CSMD1: variants seen among roughly 807,000 people sequenced by gnomAD.
The protein encoded by CSMD1 is CUB and sushi domain-containing protein 1.
CSMD1 carries 213 observed loss-of-function variants against 417.5 expected under a neutral mutation model. That is an observed-to-expected ratio of 0.51 (90% CI 0.46 to 0.57). CSMD1 has a LOEUF of 0.57. Among genes scored for constraint, CSMD1 ranks in the 20% least tolerant of loss-of-function variants. The pLI, the probability that CSMD1 is intolerant of heterozygous loss-of-function variation, is 0.00. For synonymous variants in CSMD1, 2,862 were observed against 1,736.8 expected (o/e 1.65, Z -16.11); for missense variants, 6,923 against 4,529.7 (o/e 1.53, Z -15.17).
intron 1 of CSMD1, among the ~76,000 whole-genome samples, chr8:4,691,282 G>T (rs977630551): frequency 2.0e-5 from 3 of 152,136 alleles, no homozygotes; most frequent in African/African-American, 7.2e-5. Flanking sequence ...TGGAGAGTGT[G>T]AATTTCAGCT....
chr8:4,353,471 A>C (rs1011962070), intron 3 of CSMD1, among the ~76,000 whole-genome samples: 1 of 152,118 alleles, frequency 6.6e-6, no homozygotes, highest in African/African-American at 2.4e-5. Flanking sequence ...AGAAAAGAAT[A>C]ATACATTCTT....
At chr8:4,409,524 G>T (rs576524460) in intron 3 of CSMD1, among the ~76,000 whole-genome samples, 6 of 152,032 alleles carry the variant, frequency 3.9e-5, no homozygotes, top group Admixed American at 3.9e-4. Flanking sequence ...ACCAAAATAT[G>T]TAACTAGGCA....
At chr8:3,447,033 G>C (rs372259631) in intron 12 of CSMD1, among the ~76,000 whole-genome samples, 1 of 152,148 alleles carries the variant, frequency 6.6e-6, no homozygotes, top group Non-Finnish European at 1.5e-5. Context: ...TTTTCAGGAA[G>C]ACAGAAAATT....
Position 3,076,780 on chromosome 8 carries a change from G to A in CSMD1, c.7474+10317C>T, listed in dbSNP as rs1037609349. ...ATGACAACTGTGGCCCAGGCTTTGC[G>A]CAAAATGCTGGGGATTCGAAGGTAC... On this transcript the variant is annotated intron_variant, in intron 49 of 69. Coordinates refer to ENST00000635120, the MANE Select transcript of CSMD1 (RefSeq NM_033225.6). Among the ~76,000 whole-genome samples, 11 of 152,286 alleles carry A rather than the reference G, an allele frequency of 7.2e-5. No homozygotes were observed. In the East Asian group the frequency reaches 1.2e-3, roughly 16 times the overall value.
intron 1 of CSMD1, among the ~76,000 whole-genome samples, chr8:4,962,343 T>C (rs986387934): frequency 2.6e-5 from 4 of 152,070 alleles, no homozygotes; most frequent in Non-Finnish European, 5.9e-5. Context: ...CCCAATTAGC[T>C]AGGACTACAG....
At chr8:2,964,602 C>G (rs747224094) in intron 59 of CSMD1, among the ~76,000 whole-genome samples, 2 of 152,224 alleles carry the variant, frequency 1.3e-5, no homozygotes, top group Non-Finnish European at 2.9e-5. Context: ...ATGCATGAAG[C>G]ATATTTTATT....
intron 11 of CSMD1, among the ~76,000 whole-genome samples, chr8:3,493,328 T>C (rs1205652421): frequency 2.0e-5 from 3 of 148,034 alleles, no homozygotes; most frequent in Non-Finnish European, 3.0e-5. Context: ...GGCGGAGGGG[T>C]TGATTTGAAA....
chr8:4,058,432 C>T (rs1270502498), intron 3 of CSMD1, among the ~76,000 whole-genome samples: 8 of 152,206 alleles, frequency 5.3e-5, no homozygotes, highest in South Asian at 4.1e-4. Flanking sequence ...AGGAGATTTT[C>T]GGCTGGGACA....
At chr8:3,742,736 G>A (rs372815406) in intron 6 of CSMD1, among the ~76,000 whole-genome samples, 1 of 151,570 alleles carries the variant, frequency 6.6e-6, no homozygotes, top group Non-Finnish European at 1.5e-5. Context: ...GAGAGAGAGA[G>A]AAGAAAAAAA....
intron 11 of CSMD1, among the ~76,000 whole-genome samples, chr8:3,478,248 T>C (rs1396088570): frequency 6.6e-6 from 1 of 152,226 alleles, no homozygotes; most frequent in African/African-American, 2.4e-5. Context: ...GAATTATAAA[T>C]TGTTCACGTG....
At position 3,503,926 on chromosome 8, in the gene CSMD1, G is replaced by A. The variant is rs564893653; in HGVS notation, c.1345-10200C>T. Reference sequence around the variant, plus strand: ...ATCAACTTTTTAAACTTCCACATGAGTGAGAATATGGAGGCGGGGGTTAGG... The same window carrying A: ...ATCAACTTTTTAAACTTCCACATGAATGAGAATATGGAGGCGGGGGTTAGG... On this transcript the variant is annotated intron_variant, in intron 10 of 69. Coordinates refer to ENST00000635120, the MANE Select transcript of CSMD1 (RefSeq NM_033225.6). Among the ~76,000 whole-genome samples the A allele has an allele frequency of 3.3e-5, 5 of 150,966 alleles. No homozygotes were observed. In the East Asian group the frequency reaches 7.9e-4, roughly 24 times the overall value.
intron 1 of CSMD1, among the ~76,000 whole-genome samples, chr8:4,803,865 A>G (rs1039271050): frequency 2.0e-5 from 3 of 152,218 alleles, no homozygotes; most frequent in Non-Finnish European, 4.4e-5. Context: ...ATTTTTTGTA[A>G]GAATTTAATG....
intron 1 of CSMD1, among the ~76,000 whole-genome samples, chr8:4,912,802 G>C (rs183365079): frequency 1.3e-5 from 2 of 151,322 alleles, no homozygotes; most frequent in Non-Finnish European, 2.9e-5. Context: ...TTTTGGAGGG[G>C]GGGCACAGAG....
chr8:4,032,182 T>A (rs935726427), intron 3 of CSMD1, 83 bp from the exon 4 acceptor site: 8 of 957,286 alleles, frequency 8.4e-6, no homozygotes, highest in African/African-American at 3.3e-5. Context: ...AGACACCATT[T>A]TTGAATTATT....
At chr8:4,834,387 G>C (rs1181295530) in intron 1 of CSMD1, among the ~76,000 whole-genome samples, 1 of 152,098 alleles carries the variant, frequency 6.6e-6, no homozygotes, top group Non-Finnish European at 1.5e-5. Flanking sequence ...AGAGATATAA[G>C]CAATATAGCT....
At chr8:4,502,943 T>A (rs1460543973) in intron 2 of CSMD1, among the ~76,000 whole-genome samples, 2 of 152,200 alleles carry the variant, frequency 1.3e-5, no homozygotes, top group Non-Finnish European at 2.9e-5. Flanking sequence ...TTGGTCTCTC[T>A]GTCTCTAAAT....
intron 4 of CSMD1, among the ~76,000 whole-genome samples, chr8:4,025,273 T>G (rs1186399954): frequency 6.6e-6 from 1 of 152,202 alleles, no homozygotes; most frequent in Non-Finnish European, 1.5e-5. Flanking sequence ...TCTACCTTCT[T>G]GTATGCCCCT....
intron 1 of CSMD1, among the ~76,000 whole-genome samples, chr8:4,725,502 G>A (rs545135844): frequency 6.6e-6 from 1 of 152,122 alleles, no homozygotes; most frequent in Admixed American, 6.6e-5. Context: ...CTCCACAAGG[G>A]CATATCGCAC....
intron 6 of CSMD1, among the ~76,000 whole-genome samples, chr8:3,722,374 C>G (rs187921977): frequency 6.6e-6 from 1 of 152,306 alleles, no homozygotes; most frequent in Admixed American, 6.5e-5. Context: ...TTGAGGGTCA[C>G]TTTAGGAATT....
Sources: allele counts gnomAD v4.1 joint callset (sites outside exome capture counted in the v4.1 genomes callset), GRCh38; gene constraint gnomAD v4.1.1; transcripts MANE v1.5; gene names NCBI Gene and HGNC (gene_info 2026-07-23, HGNC 2026-07-21).